MYBL2: variants seen among roughly 807,000 people sequenced by gnomAD.
MYBL2 encodes the protein MYB proto-oncogene like 2.
MYBL2 carries 28 observed loss-of-function variants against 79.9 expected under a neutral mutation model. The ratio of observed to expected loss-of-function variants is 0.35; its 90% CI spans 0.26 to 0.48. The LOEUF is 0.48. Ranked by LOEUF, MYBL2 falls within the 20% of genes least tolerant of loss-of-function variation. The pLI is 0.99. For missense variants in MYBL2, 735 were observed against 893.9 expected, an observed-to-expected ratio of 0.82 and a Z score of 2.27; for synonymous variants, 378 against 361.2, an observed-to-expected ratio of 1.05 and a Z score of -0.53.
Position 43,696,194 on chromosome 20 carries a change from C to T in MYBL2, c.664-3563C>T, listed in dbSNP as rs1353926354. On this transcript the variant is annotated intron_variant, in intron 6 of 13. Coordinates refer to ENST00000217026, the MANE Select transcript of MYBL2 (RefSeq NM_002466.4). ...ATGCGTGATCATTGCAAAAACTTAA[C>T]AACTTTATAGAATTGGGCAATGCAG... Among the ~76,000 whole-genome samples, 4 of 152,092 alleles carry T rather than the reference C, an allele frequency of 2.6e-5. No homozygotes were observed. The East Asian group carries it at 7.7e-4, about 29-fold the overall frequency.
chr20:43,698,080 T>TTTTTTTTTTTTTTG (rs149530290), intron 6 of MYBL2, among the ~76,000 whole-genome samples: 3 of 122,522 alleles, frequency 2.4e-5, no homozygotes, highest in African/African-American at 6.2e-5. Context: ...TTTTTTTTTT[T>TTTTTTTTTTTTTTG]ATCTTGTTAC....
rs745936334 is a variant in MYBL2 at position 43,716,015 on chromosome 20, G to T, written c.2031G>T (p.Met677Ile). Residue 677 changes from methionine to isoleucine, a missense_variant, in exon 14 of 14, where the codon ATG (methionine) becomes ATT (isoleucine). Physicochemically the swap from Met to Ile is conservative, Grantham distance 10. This residue lies in a region of MYBL2 where 204 missense variants were observed against 202.9 expected (regional missense o/e 1.01). Transcript: ENST00000217026. The stretch of plus-strand genomic sequence containing the variant: ...GGGGGACCAGGGACCAGCTTTTCAT[G>T]CAGGAGAAAGCCCGGCAGCTCCTGG... ...ACGGTRDQLF[M>I]QEKARQLLGR... 6.2e-7 allele frequency: 1 copy of T among 1,612,106 alleles called. No homozygotes were observed.
intron 10 of MYBL2, among the ~76,000 whole-genome samples, chr20:43,710,902 G>A (rs1163512426): frequency 2.0e-5 from 3 of 152,152 alleles, no homozygotes; most frequent in Non-Finnish European, 2.9e-5. Context: ...CAGGTGTGAG[G>A]GCAAATCACA....
In MYBL2 at chr20:43,692,357, C is replaced by A. The variant is rs767802014; in HGVS notation, c.663+38C>A. On this transcript the variant is annotated intron_variant, in intron 6 of 13. Transcript: ENST00000217026. ...CTCAGCCTTTGGCTTGGTTTGATTTCACATTCATCTGACACCATCTCATTG... is the reference window on the plus strand; with the variant it reads ...CTCAGCCTTTGGCTTGGTTTGATTTAACATTCATCTGACACCATCTCATTG... 11 of 1,610,502 alleles carry A rather than the reference C, an allele frequency of 6.8e-6. No individual in the cohort carries two copies. In the Admixed American group the frequency reaches 1.7e-4, roughly 25 times the overall value.
chr20:43,715,288 G>C lies in MYBL2; in HGVS notation c.1974+5G>C. ...CACTTCACGACACCTGCCCCTGTGA[G>C]TGCTGTGGCCATCTCTGGGGGTCCT... On this transcript the variant is annotated splice_donor_5th_base_variant and intron_variant, in intron 13 of 13. Coordinates refer to ENST00000217026, the MANE Select transcript of MYBL2 (RefSeq NM_002466.4). 6.2e-7 allele frequency: 1 copy of C among 1,614,240 alleles called. No individual in the cohort carries two copies. Among genetic ancestry groups the C allele is most frequent in the Non-Finnish European group, 8.5e-7 (1 of 1,180,046 alleles).
rs190908245 is a variant in MYBL2, at chr20:43,681,040, C to T, written c.115-744C>T. On this transcript the variant is annotated intron_variant, in intron 2 of 13. Coordinates refer to ENST00000217026, the MANE Select transcript of MYBL2 (RefSeq NM_002466.4). ...AGAACTTCATGTGCATGGAATCATA[C>T]GGCATGTACCCTCCTGTGTCTGGCT... Among the ~76,000 whole-genome samples, 145 of 152,286 alleles carry T rather than the reference C, an allele frequency of 9.5e-4. 1 individual carries two copies. The highest frequency in any genetic ancestry group is 1.0e-3 in the Non-Finnish European group (68 of 68,032).
chr20:43,674,360 G>A (rs1244880963), intron 2 of MYBL2, among the ~76,000 whole-genome samples: 3 of 148,240 alleles, frequency 2.0e-5, no homozygotes, highest in Admixed American at 6.8e-5. Context: ...CCTCAGGTGC[G>A]ATTACAGGCG....
chr20:43,713,768 A>G (rs148217404), intron 12 of MYBL2, among the ~76,000 whole-genome samples: 1 of 152,172 alleles, frequency 6.6e-6, no homozygotes, highest in African/African-American at 2.4e-5. Flanking sequence ...AGGCCAGTGG[A>G]CTTGCTGTGC....
intron 5 of MYBL2, among the ~76,000 whole-genome samples, chr20:43,691,839 G>T (rs764854442): frequency 5.9e-5 from 9 of 151,300 alleles, no homozygotes; most frequent in Non-Finnish European, 2.9e-5. Flanking sequence ...ACCGCACTCG[G>T]CAATTTTTTT....
At chr20:43,713,951 G>A (rs963902909) in intron 12 of MYBL2, among the ~76,000 whole-genome samples, 4 of 152,204 alleles carry the variant, frequency 2.6e-5, no homozygotes, top group African/African-American at 9.7e-5. Context: ...ATGAACAAAG[G>A]TTAAGGGTTG....
intron 2 of MYBL2, among the ~76,000 whole-genome samples, chr20:43,674,181 T>C (rs560080899): frequency 1.3e-5 from 2 of 151,780 alleles, no homozygotes; most frequent in South Asian, 4.2e-4. Flanking sequence ...TTGATTGTGC[T>C]TTTTGCCTTT....
At chr20:43,698,661 ATTTTTTTT>A (rs1188859456) in intron 6 of MYBL2, among the ~76,000 whole-genome samples, 1 of 115,918 alleles carries the variant, frequency 8.6e-6, no homozygotes, top group African/African-American at 3.2e-5. Context: ...TACAGGCGTG[ATTTTTTTT>A]TTTTTTTTTT....
chr20:43,713,016 C>T lies in MYBL2; in HGVS notation c.1734C>T (p.Pro578=). 6.2e-7 allele frequency: 1 copy of T among 1,611,878 alleles called. No individual in the cohort carries two copies. The highest frequency in any genetic ancestry group is 1.1e-5 in the South Asian group (1 of 90,394). Residue 578 remains proline (P), a synonymous_variant, in exon 12 of 14, where the codon CCC becomes CCT. Coordinates refer to ENST00000217026, the MANE Select transcript of MYBL2 (RefSeq NM_002466.4). The stretch of plus-strand genomic sequence containing the variant: ...CCAACCCCTAGCTGCGGCGGAGCCC[C>T]ATCAAGAAAGTCCGGAAGTCTCTGG... ...QKRKPGLRRS[P]IKKVRKSLAL... is the part of the protein sequence containing the mutation.
At position 43,699,999 on chromosome 20, in the gene MYBL2, T is replaced by A. The variant is rs285162; in HGVS notation, c.906T>A (p.Pro302=). Residue 302 remains proline (P), a synonymous_variant, in exon 7 of 14, where the codon CCT becomes CCA. Coordinates refer to ENST00000217026, the MANE Select transcript of MYBL2 (RefSeq NM_002466.4). Reference sequence around the variant, plus strand: ...TGGAGGCAGCTAACCTCCTCATCCCTGCTGTGGGTTCTAGCCTCTCTGAAG... The same window carrying A: ...TGGAGGCAGCTAACCTCCTCATCCCAGCTGTGGGTTCTAGCCTCTCTGAAG... ...WVVEAANLLI[P]AVGSSLSEAL... 1 of 1,613,988 alleles carries A rather than the reference T, an allele frequency of 6.2e-7. No homozygotes were observed. The highest frequency in any genetic ancestry group is 8.5e-7 in the Non-Finnish European group (1 of 1,180,020).
rs1381808271 is a variant in MYBL2 at position 43,716,257 on chromosome 20, C to T, written c.*170C>T. 1.7e-5 allele frequency: 17 copies of T among 1,009,166 alleles called. No homozygotes were observed. In the Admixed American group the frequency reaches 2.3e-4, roughly 14 times the overall value. 62.5% of individuals were successfully genotyped at this position (1,009,166 alleles called of 1,614,324 possible). On this transcript the variant is annotated 3_prime_UTR_variant, in exon 14 of 14. Transcript: ENST00000217026. ...ACAGGGCCATGTGCTGCCCTGTTGC[C>T]GAGCCCAGCTGTGGGCGGCTCCTGG...
intron 6 of MYBL2, among the ~76,000 whole-genome samples, chr20:43,694,506 C>G (rs746334352): frequency 6.6e-6 from 1 of 152,136 alleles, no homozygotes; most frequent in Non-Finnish European, 1.5e-5. Context: ...CTTTTTCCCT[C>G]TTCTTACTGG....
intron 12 of MYBL2, 118 bp from the exon 13 acceptor site, chr20:43,715,016 T>C: frequency 8.4e-7 from 1 of 1,195,934 alleles, no homozygotes; most frequent in Non-Finnish European, 1.2e-6. Context: ...GAAAAGTGTG[T>C]ATCCTCTTTC....
Position 43,686,998 on chromosome 20 carries a change from G to A in MYBL2, c.426G>A (p.Glu142=). ...AGAAGTCTTGCTGGACCGAGGAGGA[G>A]GACCGCATCATCTGCGAGGCCCACA... ...EVKKSCWTEE[E]DRIICEAHKV... The change falls in exon 5 of 14, where the codon GAG becomes GAA. Residue 142 remains glutamate, a synonymous_variant. Transcript: ENST00000217026. 2.5e-6 allele frequency: 4 copies of A among 1,614,100 alleles called. No individual in the cohort carries two copies. The highest frequency in any genetic ancestry group is 3.4e-6 in the Non-Finnish European group (4 of 1,180,042).
rs529108426 is a variant in MYBL2, at chr20:43,696,590, T to C, written c.664-3167T>C. Among the ~76,000 whole-genome samples the C allele has an allele frequency of 2.9e-4, 44 of 152,422 alleles. No homozygotes were observed. In the South Asian group the frequency reaches 8.9e-3, roughly 31 times the overall value. Reference sequence around the variant, plus strand: ...TTTAACATATCGTTCCATGTTGTTATGTGTATTCAGATCTCCAACATTCCT... The same window carrying C: ...TTTAACATATCGTTCCATGTTGTTACGTGTATTCAGATCTCCAACATTCCT... On this transcript the variant is annotated intron_variant, in intron 6 of 13. Transcript: ENST00000217026.
Sources: gnomAD v4.1 joint callset for allele counts (sites outside exome capture counted in the v4.1 genomes callset) on GRCh38, gnomAD v4.1.1 for gene constraint, gnomAD v4.1.1 regional missense constraint, MANE v1.5 for transcripts, NCBI Gene and HGNC (gene_info 2026-07-23, HGNC 2026-07-21) for gene names.